ACACB: variants seen among roughly 807,000 people sequenced by gnomAD.
The protein encoded by ACACB is acetyl-CoA carboxylase 2.
In ACACB, 209 loss-of-function variants were observed where a neutral mutation model predicts 278.8. That is an observed-to-expected ratio of 0.75 (90% CI 0.67 to 0.84). The LOEUF is 0.84. ACACB is among the 40% of genes least tolerant of loss of function. The pLI is 0.00. For missense variants in ACACB, 2,850 were observed against 3,269.0 expected (o/e 0.87, Z 3.13); for synonymous variants, 1,174 against 1,285.6 (o/e 0.91, Z 1.86).
At position 109,266,453 on chromosome 12, in the gene ACACB, CT is replaced by C; in HGVS notation, c.*95del. ...ACCCTCAGCAGACCCTGAAGACTTG[CT>C]TTTAAACAAAGAAAATCCTGGGCAC... On this transcript the variant is annotated 3_prime_UTR_variant, in exon 53 of 53. Transcript: ENST00000338432. 3 of 1,410,642 alleles carry C rather than the reference CT, an allele frequency of 2.1e-6. No homozygotes were observed. 87.4% of individuals were successfully genotyped at this position (1,410,642 alleles called of 1,614,324 possible). A position where few individuals can be genotyped will look rare whatever the true frequency, so the allele number is the denominator to read the frequency against.
At chr12:109,184,349 G>A (rs557185070) in intron 11 of ACACB, among the ~76,000 whole-genome samples, 4 of 152,152 alleles carry the variant, frequency 2.6e-5, no homozygotes, top group East Asian at 1.9e-4. Context: ...CACTGTGCCC[G>A]GCCGTGGGCT....
intron 16 of ACACB, among the ~76,000 whole-genome samples, chr12:109,196,194 T>C (rs2045122637): frequency 6.6e-6 from 1 of 152,136 alleles, no homozygotes; most frequent in African/African-American, 2.4e-5. Context: ...GGCCAGGGCT[T>C]GGCTGTGTCT....
chr12:109,150,971 C>CT (rs2043355331), intron 2 of ACACB, among the ~76,000 whole-genome samples: 1 of 144,396 alleles, frequency 6.9e-6, no homozygotes. Context: ...CTTTTCTTTT[C>CT]TTTTTTCTTT....
At chr12:109,234,571 A>G (rs1013316104) in intron 31 of ACACB, among the ~76,000 whole-genome samples, 5 of 152,222 alleles carry the variant, frequency 3.3e-5, no homozygotes, top group Admixed American at 1.3e-4. Flanking sequence ...TTGAGACATC[A>G]TTGACATACT....
chr12:109,229,505 C>T lies in ACACB; in HGVS notation c.4001+2016C>T, dbSNP rs575513426. On this transcript the variant is annotated intron_variant, in intron 28 of 52. Transcript: ENST00000338432. ...TCCAAGAGCTGTAGTTCAGTAGATA[C>T]CCTCAGTGTTCTCACCTGAGAATAT... Among the ~76,000 whole-genome samples, 17 of 152,118 alleles carry T rather than the reference C, an allele frequency of 1.1e-4. No homozygotes were observed. The South Asian group carries it at 3.5e-3, about 32-fold the overall frequency.
intron 4 of ACACB, 90 bp downstream of exon 4, chr12:109,168,124 A>C: frequency 7.1e-7 from 1 of 1,407,218 alleles, no homozygotes; most frequent in Non-Finnish European, 9.6e-7. Flanking sequence ...TCCATCCTGG[A>C]CTCCCGATGG....
chr12:109,187,091 T>G (rs1307048790), intron 12 of ACACB, among the ~76,000 whole-genome samples: 149 of 111,040 alleles, frequency 1.3e-3, no homozygotes, highest in Middle Eastern at 4.7e-3. Context: ...GAGGAAGGGG[T>G]AGGAAAGGAA....
chr12:109,232,623 G>T (rs1485392028), intron 28 of ACACB, 46 bp from the exon 29 acceptor site: 5 of 1,598,930 alleles, frequency 3.1e-6, no homozygotes, highest in Non-Finnish European at 3.4e-6. Flanking sequence ...CGTAGAGTTG[G>T]GTCTGCAAGC....
intron 4 of ACACB, among the ~76,000 whole-genome samples, chr12:109,171,573 C>A (rs1313749281): frequency 1.3e-5 from 2 of 151,340 alleles, no homozygotes; most frequent in Admixed American, 1.3e-4. Flanking sequence ...CGGTTTCGAA[C>A]TCCTGGCCTC....
intron 48 of ACACB, among the ~76,000 whole-genome samples, chr12:109,261,521 C>T (rs897298071): frequency 2.0e-5 from 3 of 152,018 alleles, no homozygotes; most frequent in African/African-American, 7.2e-5. Context: ...TTCTTCAGGG[C>T]TTCTAAGCTG....
intron 34 of ACACB, among the ~76,000 whole-genome samples, chr12:109,238,438 A>T (rs1194047367): frequency 7.6e-6 from 1 of 131,308 alleles, no homozygotes; most frequent in Non-Finnish European, 1.6e-5. Flanking sequence ...TATATTATAT[A>T]ATATAACATA....
At chr12:109,161,980 C>CT (rs373338646) in intron 2 of ACACB, among the ~76,000 whole-genome samples, 15,908 of 139,682 alleles carry the variant, frequency 0.11, 1,060 homozygotes, top group Non-Finnish European at 0.15. Flanking sequence ...ATGAAGTTCT[C>CT]TTTTTTTTTT....
intron 35 of ACACB, 137 bp downstream of exon 35, chr12:109,240,122 G>A (rs373775953): frequency 2.2e-5 from 22 of 1,022,810 alleles, no homozygotes; most frequent in African/African-American, 1.5e-4. Flanking sequence ...CAGTTGCTGC[G>A]GGAGGAGAGC....
At position 109,222,815 on chromosome 12, in the gene ACACB, A is replaced by G; in HGVS notation, c.3695A>G (p.His1232Arg). The G allele has an allele frequency of 1.2e-6, 2 of 1,606,738 alleles. No individual in the cohort carries two copies. Among genetic ancestry groups the G allele is most frequent in the Non-Finnish European group, 1.7e-6 (2 of 1,177,852 alleles). ...LRARQILIAS[H>R]LPSYELRHNQ... ...CCCCTGCAGATCCTGATTGCCTCCC[A>G]CCTCCCCTCCTACGAGCTGCGGCAT... The change falls in exon 26 of 53, where the codon CAC (histidine) becomes CGC (arginine). Residue 1232 changes from histidine (H) to arginine (R), a missense_variant. Around this residue, in one of 3 missense-constraint regions of ACACB, gnomAD observed 2,265 missense variants for 2,561.3 expected, o/e 0.88. Transcript: ENST00000338432.
At chr12:109,163,736 G>A (rs1001711669) in intron 2 of ACACB, among the ~76,000 whole-genome samples, 7 of 152,020 alleles carry the variant, frequency 4.6e-5, no homozygotes, top group East Asian at 1.9e-4. Context: ...TACAACATCC[G>A]CCTCCTGGGT....
upstream of ACACB, among the ~76,000 whole-genome samples, chr12:109,115,610 AC>A (rs1184548097): frequency 6.6e-6 from 1 of 152,218 alleles, no homozygotes; most frequent in East Asian, 1.9e-4. Context: ...TGTAACATGT[AC>A]CTGGTGCTGT....
chr12:109,258,042 C>T (rs1410990161), intron 45 of ACACB, among the ~76,000 whole-genome samples: 1 of 152,236 alleles, frequency 6.6e-6, no homozygotes. Context: ...GGCCCTATAC[C>T]ATCCCAGCCC....
rs1157269684 is a variant in ACACB, at chr12:109,210,297, ATG to A, written c.3249+946_3249+947del. On this transcript the variant is annotated intron_variant, in intron 21 of 52. Coordinates refer to ENST00000338432, the MANE Select transcript of ACACB (RefSeq NM_001093.4). ...TATACACACACATATCTGTGTGTAT[ATG>A]TATATATACACACACATATCTGTGT... 2.0e-3 allele frequency among the ~76,000 whole-genome samples: 220 copies of A among 107,752 alleles called. 50 individuals carry two copies. The highest frequency in any genetic ancestry group is 7.8e-3 in the African/African-American group (212 of 27,268). The allele number at this position is 107,752 out of a possible 152,430, so 70.7% of individuals were successfully genotyped here.
In ACACB at chr12:109,227,449, G is replaced by A. The variant is rs547866870; in HGVS notation, c.3961G>A (p.Val1321Ile). The A allele has an allele frequency of 3.1e-6, 5 of 1,614,080 alleles. No individual in the cohort carries two copies. In the African/African-American group the frequency reaches 6.7e-5, roughly 22 times the overall value. ...GCAGCTCCCGGACGGCACCTGCGTG[G>A]TAGAATTCCAGTTCATGCTGCCGTC... ...HRQLPDGTCVVEFQFMLPSSH... is the reference protein window; with the variant it reads ...HRQLPDGTCVIEFQFMLPSSH... Residue 1321 changes from valine to isoleucine, a missense_variant, in exon 28 of 53, where the codon GTA (valine) becomes ATA (isoleucine). Physicochemically the swap from Val to Ile is conservative, Grantham distance 29. Transcript: ENST00000338432.
Sources: allele counts gnomAD v4.1 joint callset (sites outside exome capture counted in the v4.1 genomes callset), GRCh38; gene constraint gnomAD v4.1.1; regional missense constraint gnomAD v4.1.1; transcripts MANE v1.5; gene names NCBI Gene and HGNC (gene_info 2026-07-23, HGNC 2026-07-21).